Variants in PTH1R observed in about 807,000 individuals in gnomAD.
PTH1R encodes the protein parathyroid hormone 1 receptor.
Under a neutral mutation model 70.7 loss-of-function variants are expected in PTH1R, and 32 were observed. The observed-to-expected ratio is 0.45, with a 90% CI of 0.34 to 0.61. The LOEUF (loss-of-function observed/expected upper bound fraction) is 0.61, where lower values mean the gene tolerates loss of function less well. PTH1R is among the 20% of genes least tolerant of loss of function. The pLI, the probability that PTH1R is intolerant of heterozygous loss-of-function variation, is 0.01. For missense variants in PTH1R, 626 were observed against 792.5 expected, an observed-to-expected ratio of 0.79 and a Z score of 2.52; for synonymous variants, 329 against 324.8, an observed-to-expected ratio of 1.01 and a Z score of -0.14.
In PTH1R at chr3:46,888,259, G is replaced by A. The variant is rs192316066; in HGVS notation, c.75+4625G>A. Among the ~76,000 whole-genome samples, 3 of 152,188 alleles carry A rather than the reference G, an allele frequency of 2.0e-5. No individual in the cohort carries two copies. The East Asian group carries it at 5.8e-4, about 29-fold the overall frequency. The stretch of plus-strand genomic sequence containing the variant: ...CGGGGCCATTAACCATCATTCTATG[G>A]GTTATTTGTCTTTTTCGTATTGATT... On this transcript the variant is annotated intron_variant, in intron 3 of 15. Transcript: ENST00000449590.
chr3:46,883,633 T>C lies in PTH1R; in HGVS notation c.74T>C (p.Leu25Pro). ...CCPVLSSAYALVDADDVMTKE... is the reference protein window; with the variant it reads ...CCPVLSSAYAPVDADDVMTKE... ...CCCGTGCTCAGCTCCGCGTACGCGC[T>C]GGTGAGTCCCCCGCCGCCAACACTC... is the stretch of plus-strand genomic sequence containing the variant. The change falls in exon 3 of 16, where the codon CTG (leucine) becomes CCG (proline). Residue 25 changes from leucine to proline, a missense_variant and splice_region_variant. Leu to Pro is a moderately conservative substitution (Grantham distance 98). This residue lies in a region of PTH1R where 123 missense variants were observed against 125.7 expected (regional missense o/e 0.98). Transcript: ENST00000449590. This position sits in a 1 kb window ranked among gnomAD's most constrained non-coding sequence, Gnocchi z 6.4. The C allele has an allele frequency of 6.5e-7, 1 of 1,545,646 alleles. No individual in the cohort carries two copies. The highest frequency in any genetic ancestry group is 2.4e-5 in the East Asian group (1 of 40,888).
chr3:46,893,961 G>T lies in PTH1R; in HGVS notation c.130G>T (p.Ala44Ser), dbSNP rs1658380264. ...GGAACAGATCTTCCTGCTGCACCGTGCTCAGGCCCAGTGCGAAAAACGGCT... is the reference window on the plus strand; with the variant it reads ...GGAACAGATCTTCCTGCTGCACCGTTCTCAGGCCCAGTGCGAAAAACGGCT... ...KEEQIFLLHR[A>S]QAQCEKRLKE... Residue 44 changes from alanine (A) to serine (S), a missense_variant, in exon 4 of 16, where the codon GCT becomes TCT. Transcript: ENST00000449590. This position sits in a 1 kb window ranked among gnomAD's most constrained non-coding sequence, Gnocchi z 5.2. 6.2e-7 allele frequency: 1 copy of T among 1,614,084 alleles called. No homozygotes were observed. Among genetic ancestry groups the T allele is most frequent in the African/African-American group, 1.3e-5 (1 of 74,934 alleles).
chr3:46,896,689 A>G lies in PTH1R; in HGVS notation c.313+820A>G, dbSNP rs2031775755. On this transcript the variant is annotated intron_variant, in intron 5 of 15. Coordinates refer to ENST00000449590, the MANE Select transcript of PTH1R (RefSeq NM_000316.3). The surrounding 1 kb of genome is among the most constrained non-coding windows in gnomAD (Gnocchi z 4.1). ...AGGCAGCCTTCCAGGGTGGCTGGAG[A>G]GTCCTGTGGTTGGAGCCCTACAGAG... Among the ~76,000 whole-genome samples, 1 of 152,110 alleles carries G rather than the reference A, an allele frequency of 6.6e-6. No homozygotes were observed. Among genetic ancestry groups the G allele is most frequent in the Admixed American group, 6.5e-5 (1 of 15,276 alleles).
In PTH1R at chr3:46,902,999, C is replaced by A; in HGVS notation, c.1395+209C>A. The A allele has an allele frequency of 2.1e-6, 2 of 953,326 alleles. No homozygotes were observed. The highest frequency in any genetic ancestry group is 1.6e-6 in the Non-Finnish European group (1 of 614,236). 59.1% of individuals were successfully genotyped at this position (953,326 alleles called of 1,614,324 possible). Reference sequence around the variant, plus strand: ...GGGACTCTTCAGTCACTGGCATAGCCAAGTGTCTTCCCAGCCCCATGGTTC... The same window carrying A: ...GGGACTCTTCAGTCACTGGCATAGCAAAGTGTCTTCCCAGCCCCATGGTTC... On this transcript the variant is annotated intron_variant, in intron 15 of 15. Coordinates refer to ENST00000449590, the MANE Select transcript of PTH1R (RefSeq NM_000316.3). The surrounding 1 kb of genome is among the most constrained non-coding windows in gnomAD (Gnocchi z 5.4).
At chr3:46,881,319 C>T (rs946530862) in intron 2 of PTH1R, among the ~76,000 whole-genome samples, 45 of 152,308 alleles carry the variant, frequency 3.0e-4, no homozygotes, top group African/African-American at 1.1e-3. Context: ...GCGTGCCCTC[C>T]CCAGCCAAAC....
At chr3:46,885,229 T>C (rs1292747846) in intron 3 of PTH1R, among the ~76,000 whole-genome samples, 1 of 152,150 alleles carries the variant, frequency 6.6e-6, no homozygotes, top group Non-Finnish European at 1.5e-5. Flanking sequence ...TCTGAGTCCC[T>C]GTGTGAGTTC....
chr3:46,892,675 G>A lies in PTH1R; in HGVS notation c.76-1232G>A, dbSNP rs1287841311. 6 of 829,086 alleles carry A rather than the reference G, an allele frequency of 7.2e-6. No individual in the cohort carries two copies. The South Asian group carries it at 2.2e-4, about 31-fold the overall frequency. 51.4% of individuals were successfully genotyped at this position (829,086 alleles called of 1,614,324 possible). On this transcript the variant is annotated intron_variant, in intron 3 of 15. Coordinates refer to ENST00000449590, the MANE Select transcript of PTH1R (RefSeq NM_000316.3). This position sits in a 1 kb window ranked among gnomAD's most constrained non-coding sequence, Gnocchi z 5.2. ...TCTCGCCGGTGCCCGCCCCATGCCC[G>A]ACCCGCCTTCTTCCTCCCCTGCCTC...
At position 46,884,416 on chromosome 3, in the gene PTH1R, CA is replaced by C. The variant is rs11391648; in HGVS notation, c.75+790del. Among the ~76,000 whole-genome samples the C allele has an allele frequency of 6.6e-6, 1 of 151,364 alleles. No individual in the cohort carries two copies. On this transcript the variant is annotated intron_variant, in intron 3 of 15. Coordinates refer to ENST00000449590, the MANE Select transcript of PTH1R (RefSeq NM_000316.3). This position sits in a 1 kb window ranked among gnomAD's most constrained non-coding sequence, Gnocchi z 4.8. The stretch of plus-strand genomic sequence containing the variant: ...GGAGGGGTGGACAGACTAAGAACAG[CA>C]AAAAAAATAGGGAGACAGGCAAAGG...
chr3:46,899,489 C>A (rs777154630), intron 10 of PTH1R, 33 bp downstream of exon 10: 1 of 1,600,492 alleles, frequency 6.2e-7, no homozygotes, highest in South Asian at 1.1e-5. Flanking sequence ...GAGGTGCCGG[C>A]AGGGGTGGGA....
At position 46,895,783 on chromosome 3, in the gene PTH1R, G is replaced by A. The variant is rs772490281; in HGVS notation, c.227G>A (p.Gly76Glu). The A allele has an allele frequency of 1.2e-6, 2 of 1,614,124 alleles. No individual in the cohort carries two copies. Among genetic ancestry groups the A allele is most frequent in the Non-Finnish European group, 1.7e-6 (2 of 1,180,030 alleles). ...DKGWTSASTSGKPRKDKASGK... is the reference protein window; with the variant it reads ...DKGWTSASTSEKPRKDKASGK... ...GGATGGACATCTGCGTCCACATCAG[G>A]GAAGCCCAGGAAAGATAAGGCATCT... The change falls in exon 5 of 16, where the codon GGG (glycine) becomes GAG (glutamate). Residue 76 changes from glycine to glutamate, a missense_variant. This residue lies in a region of PTH1R where 123 missense variants were observed against 125.7 expected (regional missense o/e 0.98). Transcript: ENST00000449590.
At chr3:46,897,113 C>T (rs940302644) in intron 5 of PTH1R, among the ~76,000 whole-genome samples, 4 of 152,342 alleles carry the variant, frequency 2.6e-5, no homozygotes, top group Admixed American at 2.0e-4. Context: ...AGCCTCCCAG[C>T]TGAGGGAGAG....
Position 46,901,216 on chromosome 3 carries a change from C to T in PTH1R, c.1049+131C>T, listed in dbSNP as rs1455112704. Reference sequence around the variant, plus strand: ...GCCTCAGGAGTTCTCAGTCCAGCCTCAAGCCAGGAGCACCCTCAGGGTCAC... The same window carrying T: ...GCCTCAGGAGTTCTCAGTCCAGCCTTAAGCCAGGAGCACCCTCAGGGTCAC... On this transcript the variant is annotated intron_variant, in intron 11 of 15. Transcript: ENST00000449590. The surrounding 1 kb of genome is among the most constrained non-coding windows in gnomAD (Gnocchi z 7.3). 7.5e-7 allele frequency: 1 copy of T among 1,339,506 alleles called. No homozygotes were observed. Among genetic ancestry groups the T allele is most frequent in the Non-Finnish European group, 1.0e-6 (1 of 959,562 alleles). The allele number at this position is 1,339,506 out of a possible 1,614,324, so 83.0% of individuals were successfully genotyped here.
At chr3:46,900,242 C>A (rs1348440871) in intron 10 of PTH1R, among the ~76,000 whole-genome samples, 1 of 152,178 alleles carries the variant, frequency 6.6e-6, no homozygotes, top group African/African-American at 2.4e-5. Flanking sequence ...GTTGGGGAGA[C>A]CTGGGCCCAG....
rs543227407 is a variant in PTH1R, at chr3:46,893,045, C to T, written c.76-862C>T. On this transcript the variant is annotated intron_variant, in intron 3 of 15. Transcript: ENST00000449590. The surrounding 1 kb of genome is among the most constrained non-coding windows in gnomAD (Gnocchi z 5.2). Reference sequence around the variant, plus strand: ...GCTGAGACCCCTCAGCAGCCACCTGCTCTGGGTGAGCCTCCACCCGCATGA... The same window carrying T: ...GCTGAGACCCCTCAGCAGCCACCTGTTCTGGGTGAGCCTCCACCCGCATGA... Among the ~76,000 whole-genome samples the T allele has an allele frequency of 1.2e-4, 18 of 152,320 alleles. No individual in the cohort carries two copies. In the East Asian group the frequency reaches 3.5e-3, roughly 29 times the overall value.
Position 46,879,611 on chromosome 3 carries a change from G to C in PTH1R, c.-105-1451G>C, listed in dbSNP as rs529018096. ...AAAATTTTTTAATTACCCAGGTGTG[G>C]TAGCTCATGCCTGTGGTGCCAGCTA... On this transcript the variant is annotated intron_variant, in intron 1 of 15. Transcript: ENST00000449590. This position sits in a 1 kb window ranked among gnomAD's most constrained non-coding sequence, Gnocchi z 4.7. Among the ~76,000 whole-genome samples the C allele has an allele frequency of 1.3e-5, 2 of 152,302 alleles. No homozygotes were observed. Among genetic ancestry groups the C allele is most frequent in the East Asian group, 3.9e-4 (2 of 5,182 alleles).
chr3:46,902,587 A>G lies in PTH1R; in HGVS notation c.1273A>G (p.Met425Val). The G allele has an allele frequency of 6.2e-7, 1 of 1,613,756 alleles. No homozygotes were observed. Among genetic ancestry groups the G allele is most frequent in the Non-Finnish European group, 8.5e-7 (1 of 1,179,996 alleles). ...PLFGVHYIVF[M>V]ATPYTEVSGT... ...CTTTGGCGTCCACTACATTGTCTTC[A>G]TGGCCACACCATACACCGAGGTCTC... Residue 425 changes from methionine (M) to valine (V), a missense_variant, in exon 14 of 16, where the codon ATG becomes GTG. Met to Val is a conservative substitution (Grantham distance 21, BLOSUM62 1). Transcript: ENST00000449590. This position sits in a 1 kb window ranked among gnomAD's most constrained non-coding sequence, Gnocchi z 5.4.
intron 4 of PTH1R, 54 bp downstream of exon 4, chr3:46,894,063 G>T: frequency 1.3e-6 from 2 of 1,562,022 alleles, no homozygotes; most frequent in African/African-American, 1.4e-5. Flanking sequence ...GGAGGGGCCA[G>T]TCAAGGGCGG....
rs1464773331 is a variant in PTH1R, at chr3:46,893,808, C to G, written c.76-99C>G. The G allele has an allele frequency of 8.9e-7, 1 of 1,126,630 alleles. No individual in the cohort carries two copies. Among genetic ancestry groups the G allele is most frequent in the Non-Finnish European group, 1.3e-6 (1 of 755,382 alleles). 69.8% of individuals were successfully genotyped at this position (1,126,630 alleles called of 1,614,324 possible). ...CCCACCTTCCCTCTAGAGTCAGGGCCTTTTGAAAGGGGGTAGTCCCTCTGG... is the reference window on the plus strand; with the variant it reads ...CCCACCTTCCCTCTAGAGTCAGGGCGTTTTGAAAGGGGGTAGTCCCTCTGG... On this transcript the variant is annotated intron_variant, in intron 3 of 15. Coordinates refer to ENST00000449590, the MANE Select transcript of PTH1R (RefSeq NM_000316.3). This position sits in a 1 kb window ranked among gnomAD's most constrained non-coding sequence, Gnocchi z 5.2.
chr3:46,892,444 G>A lies in PTH1R; in HGVS notation c.76-1463G>A, dbSNP rs1006446639. On this transcript the variant is annotated intron_variant, in intron 3 of 15. Coordinates refer to ENST00000449590, the MANE Select transcript of PTH1R (RefSeq NM_000316.3). The surrounding 1 kb of genome is among the most constrained non-coding windows in gnomAD (Gnocchi z 5.2). Reference sequence around the variant, plus strand: ...CGGACGGGCACACACAAGTGCACGCGCCGGCCACTCGAGAATGCGCTGCCA... The same window carrying A: ...CGGACGGGCACACACAAGTGCACGCACCGGCCACTCGAGAATGCGCTGCCA... Among the ~76,000 whole-genome samples, 3 of 152,198 alleles carry A rather than the reference G, an allele frequency of 2.0e-5. No homozygotes were observed. The highest frequency in any genetic ancestry group is 2.0e-4 in the Admixed American group (3 of 15,292).
Sources: gnomAD v4.1 joint callset for allele counts (sites outside exome capture counted in the v4.1 genomes callset) on GRCh38, gnomAD v4.1.1 for gene constraint, gnomAD v4.1.1 regional missense constraint, Gnocchi (gnomAD v3.1) non-coding constraint, MANE v1.5 for transcripts, NCBI Gene and HGNC (gene_info 2026-07-23, HGNC 2026-07-21) for gene names.